Variants in SPOCK3 observed in about 807,000 individuals in gnomAD.
The protein encoded by SPOCK3 is testican-3.
Under a neutral mutation model 56.6 loss-of-function variants are expected in SPOCK3, and 30 were observed. The observed-to-expected ratio is 0.53, with a 90% CI of 0.40 to 0.72. SPOCK3 has a LOEUF of 0.72. Ranked by LOEUF, SPOCK3 falls within the 30% of genes least tolerant of loss-of-function variation. The probability of loss-of-function intolerance (pLI) is 0.00; values close to 1 mark genes in which losing one functional copy is unlikely to be tolerated. For synonymous variants in SPOCK3, 196 were observed against 183.3 expected (o/e 1.07, Z -0.56); for missense variants, 527 against 530.0 (o/e 0.99, Z 0.06).
chr4:167,025,425 A>G (rs1288554873), intron 3 of SPOCK3, among the ~76,000 whole-genome samples: 2 of 152,096 alleles, frequency 1.3e-5, no homozygotes, highest in East Asian at 3.9e-4. Flanking sequence ...GTGGCCTTAA[A>G]TAAAATAACG....
intron 4 of SPOCK3, among the ~76,000 whole-genome samples, chr4:166,975,690 C>T (rs891285162): frequency 1.4e-4 from 21 of 152,060 alleles, no homozygotes; most frequent in African/African-American, 4.8e-4. Context: ...CTCTGGTAAT[C>T]ATCCTTCTAC....
intron 2 of SPOCK3, among the ~76,000 whole-genome samples, chr4:167,174,929 C>T (rs867942809): frequency 1.3e-4 from 20 of 152,020 alleles, no homozygotes; most frequent in Middle Eastern, 6.8e-3. Context: ...TGAAGTTTTA[C>T]GCCCCACTGA....
At chr4:166,872,575 T>A (rs2126950905) in intron 6 of SPOCK3, among the ~76,000 whole-genome samples, 1 of 152,250 alleles carries the variant, frequency 6.6e-6, no homozygotes, top group South Asian at 2.1e-4. Flanking sequence ...AATGGATAAA[T>A]ACAGTGGGGC....
intron 4 of SPOCK3, among the ~76,000 whole-genome samples, chr4:166,914,922 A>C (rs1352961750): frequency 6.6e-6 from 1 of 152,174 alleles, no homozygotes; most frequent in Non-Finnish European, 1.5e-5. Context: ...GGAACACTAA[A>C]TAAACATGTT....
chr4:166,738,716 G>A (rs9998292), intron 9 of SPOCK3, among the ~76,000 whole-genome samples: 47,365 of 145,780 alleles, frequency 0.32, 7,794 homozygotes, highest in Admixed American at 0.42. Flanking sequence ...GAGAACATGC[G>A]GTGTTTGGTT....
chr4:166,931,231 C>A (rs910950238), intron 4 of SPOCK3, among the ~76,000 whole-genome samples: 4 of 152,022 alleles, frequency 2.6e-5, no homozygotes, highest in African/African-American at 9.7e-5. Context: ...ATCTGCCCAC[C>A]TCGGCCTCTC....
intron 2 of SPOCK3, among the ~76,000 whole-genome samples, chr4:167,103,291 G>A (rs1759816989): frequency 6.6e-6 from 1 of 152,096 alleles, no homozygotes; most frequent in Non-Finnish European, 1.5e-5. Context: ...AGCACCAAGT[G>A]GGCCCTTGGG....
intron 5 of SPOCK3, among the ~76,000 whole-genome samples, chr4:166,892,198 G>C (rs1293933749): frequency 6.6e-6 from 1 of 151,862 alleles, no homozygotes; most frequent in Non-Finnish European, 1.5e-5. Flanking sequence ...TCAGCTTGTA[G>C]CTTTCTTTGG....
intron 2 of SPOCK3, among the ~76,000 whole-genome samples, chr4:167,199,760 TC>T (rs1196228233): frequency 2.7e-5 from 4 of 149,238 alleles, no homozygotes; most frequent in Non-Finnish European, 5.9e-5. Flanking sequence ...AATACAAGTA[TC>T]TATGATTATC....
In SPOCK3 at chr4:166,950,264, A is replaced by T. The variant is rs949813090; in HGVS notation, c.351-37521T>A. ...AGATCTACCAAGCAAATGGAAAACA[A>T]AAAAAGGCAGGGGTTGCAATCCTAG... On this transcript the variant is annotated intron_variant, in intron 4 of 10. Transcript: ENST00000357545. Among the ~76,000 whole-genome samples the T allele has an allele frequency of 9.5e-3, 1,445 of 151,814 alleles. 30 individuals carry two copies. The highest frequency in any genetic ancestry group is 0.033 in the African/African-American group (1,342 of 41,186).
intron 2 of SPOCK3, among the ~76,000 whole-genome samples, chr4:167,161,946 C>G (rs973369494): frequency 1.3e-5 from 2 of 151,476 alleles, no homozygotes; most frequent in African/African-American, 2.4e-5. Context: ...TGTTAAATGA[C>G]GAGTTAATAG....
chr4:166,794,643 CTTTTTTT>C (rs1170214198), intron 6 of SPOCK3, among the ~76,000 whole-genome samples: 1 of 127,368 alleles, frequency 7.9e-6, no homozygotes, highest in Non-Finnish European at 1.7e-5. Flanking sequence ...TTCTTTCTTT[CTTTTTTT>C]TTTTTTTTTG....
chr4:166,885,332 A>T (rs535212812), intron 6 of SPOCK3, among the ~76,000 whole-genome samples: 89 of 151,878 alleles, frequency 5.9e-4, no homozygotes, highest in African/African-American at 2.0e-3. Flanking sequence ...AACATAATAA[A>T]TTTCTCTAAG....
At chr4:166,917,925 A>G (rs1386200859) in intron 4 of SPOCK3, among the ~76,000 whole-genome samples, 1 of 152,198 alleles carries the variant, frequency 6.6e-6, no homozygotes, top group Non-Finnish European at 1.5e-5. Flanking sequence ...TCATAAAACA[A>G]CATTCAAGTG....
chr4:167,167,355 T>C (rs1321512805), intron 2 of SPOCK3, among the ~76,000 whole-genome samples: 1 of 152,180 alleles, frequency 6.6e-6, no homozygotes, highest in African/African-American at 2.4e-5. Flanking sequence ...TTTACCAAGA[T>C]TCCTCTTTCA....
chr4:166,903,591 A>G (rs1257378340), intron 5 of SPOCK3, among the ~76,000 whole-genome samples: 1 of 151,656 alleles, frequency 6.6e-6, no homozygotes, highest in Non-Finnish European at 1.5e-5. Flanking sequence ...TATCGAGCCT[A>G]CTCTACCATT....
At chr4:167,200,339 A>G (rs565544233) in intron 2 of SPOCK3, among the ~76,000 whole-genome samples, 2 of 152,218 alleles carry the variant, frequency 1.3e-5, no homozygotes, top group African/African-American at 4.8e-5. Context: ...TTTCACTGAC[A>G]CAGGTACAAT....
intron 7 of SPOCK3, among the ~76,000 whole-genome samples, chr4:166,775,190 A>C (rs1035262051): frequency 6.6e-6 from 1 of 152,176 alleles, no homozygotes; most frequent in African/African-American, 2.4e-5. Flanking sequence ...CACTGCAGAA[A>C]AAAAATGAAC....
intron 4 of SPOCK3, among the ~76,000 whole-genome samples, chr4:166,973,977 C>G (rs1277095509): frequency 1.3e-5 from 2 of 152,086 alleles, no homozygotes; most frequent in African/African-American, 4.8e-5. Context: ...CAAATATTGC[C>G]TATTTATATA....
Sources: allele counts gnomAD v4.1 joint callset (sites outside exome capture counted in the v4.1 genomes callset), GRCh38; gene constraint gnomAD v4.1.1; transcripts MANE v1.5; gene names NCBI Gene and HGNC (gene_info 2026-07-23, HGNC 2026-07-21).